Variants in FKBP5 observed in about 807,000 individuals in gnomAD.
FKBP5 encodes FKBP prolyl isomerase 5, also known as peptidyl-prolyl cis-trans isomerase FKBP5.
A neutral mutation model predicts 50.5 loss-of-function variants in FKBP5; 23 were observed. The ratio of observed to expected loss-of-function variants is 0.46; its 90% CI spans 0.33 to 0.65. FKBP5 has a LOEUF of 0.65. Among genes scored for constraint, FKBP5 ranks in the 30% least tolerant of loss-of-function variants. The pLI, the probability that FKBP5 is intolerant of heterozygous loss-of-function variation, is 0.02. For synonymous variants in FKBP5, 176 were observed against 190.6 expected (o/e 0.92, Z 0.63); for missense variants, 411 against 553.1 (o/e 0.74, Z 2.58).
chr6:35,693,169 T>C (rs1026642644), upstream of FKBP5, among the ~76,000 whole-genome samples: 2 of 146,488 alleles, frequency 1.4e-5, no homozygotes, highest in African/African-American at 5.0e-5. Context: ...CTCTCTTTTT[T>C]TTTTTTTTTT....
At chr6:35,620,351 A>G in intron 3 of FKBP5, 77 bp from the exon 4 acceptor site, 2 of 1,518,766 alleles carry the variant, frequency 1.3e-6, no homozygotes, top group Non-Finnish European at 1.8e-6. Context: ...CCAAAGTTCT[A>G]ATTTCCAGTT....
chr6:35,635,641 C>T (rs913132974), intron 3 of FKBP5, among the ~76,000 whole-genome samples: 1 of 151,850 alleles, frequency 6.6e-6, no homozygotes, highest in Non-Finnish European at 1.5e-5. Context: ...TTTAGAATAA[C>T]CCCATGTTAA....
At chr6:35,705,266 T>TAAA (rs1766286697) in intron 2 of FKBP5, among the ~76,000 whole-genome samples, 5 of 14,834 alleles carry the variant, frequency 3.4e-4, no homozygotes, top group Non-Finnish European at 3.0e-4. Context: ...ATATTTTTTT[T>TAAA]TTTTTTTTTT....
rs1431832492 is a variant in FKBP5, at chr6:35,601,320, C to T, written c.509-3916G>A. Reference sequence around the variant, plus strand: ...GTCAGAGTAAAAGGAGGTATCACAGCCTCATGGTGAATACAGCCCATTGAT... The same window carrying T: ...GTCAGAGTAAAAGGAGGTATCACAGTCTCATGGTGAATACAGCCCATTGAT... On this transcript the variant is annotated intron_variant, in intron 5 of 10. Coordinates refer to ENST00000357266, the MANE Select transcript of FKBP5 (RefSeq NM_004117.4). 5.9e-5 allele frequency among the ~76,000 whole-genome samples: 9 copies of T among 152,276 alleles called. No homozygotes were observed. In the East Asian group the frequency reaches 1.5e-3, roughly 26 times the overall value.
chr6:35,607,041 A>T (rs1235679170), intron 5 of FKBP5, among the ~76,000 whole-genome samples: 1 of 152,044 alleles, frequency 6.6e-6, no homozygotes, highest in East Asian at 1.9e-4. Context: ...CCCAGGTTCA[A>T]GCAATTCTGC....
intron 8 of FKBP5, chr6:35,581,879 C>T (rs529213776): frequency 5.8e-5 from 57 of 985,504 alleles, no homozygotes; most frequent in South Asian, 4.7e-4. Flanking sequence ...CCAAGCAGCG[C>T]GTACATCTCA....
intron 1 of FKBP5, among the ~76,000 whole-genome samples, chr6:35,684,989 C>T (rs1231206629): frequency 6.6e-6 from 1 of 151,614 alleles, no homozygotes; most frequent in African/African-American, 2.4e-5. Flanking sequence ...TCTCTTGAGC[C>T]TGGGAAGTCT....
At chr6:35,725,528 C>G (rs1328305087) in intron 1 of FKBP5, among the ~76,000 whole-genome samples, 1 of 152,136 alleles carries the variant, frequency 6.6e-6, no homozygotes, top group East Asian at 1.9e-4. Flanking sequence ...GGGCTTCACC[C>G]TTCTGGAGTC....
intron 2 of FKBP5, among the ~76,000 whole-genome samples, chr6:35,697,475 A>G (rs2151017672): frequency 6.8e-6 from 1 of 146,336 alleles, no homozygotes; most frequent in East Asian, 2.1e-4. Flanking sequence ...TGAACCCAGG[A>G]GGTGGAGGTT....
chr6:35,583,461 A>G, intron 8 of FKBP5: 1 of 985,458 alleles, frequency 1.0e-6, no homozygotes, highest in Non-Finnish European at 1.2e-6. Context: ...AATTTTTTGA[A>G]AGCTCTTGCA....
At chr6:35,612,685 C>T (rs1305925251) in intron 5 of FKBP5, among the ~76,000 whole-genome samples, 7 of 152,232 alleles carry the variant, frequency 4.6e-5, no homozygotes, top group African/African-American at 1.7e-4. Flanking sequence ...CACCCTTCTT[C>T]ACATGGCGGC....
chr6:35,642,698 T>C, intron 2 of FKBP5, 22 bp downstream of exon 2: 1 of 1,581,822 alleles, frequency 6.3e-7, no homozygotes, highest in South Asian at 1.1e-5. Context: ...TCCTTGTATG[T>C]CACTCAGCTT....
intron 3 of FKBP5, among the ~76,000 whole-genome samples, chr6:35,629,931 C>A (rs1271922717): frequency 6.6e-6 from 1 of 152,122 alleles, no homozygotes; most frequent in Non-Finnish European, 1.5e-5. Context: ...CCTTAAAAAT[C>A]TCCTGAATGC....
At chr6:35,591,249 T>A in intron 6 of FKBP5, 29 bp from the exon 7 acceptor site, 1 of 1,477,252 alleles carries the variant, frequency 6.8e-7, no homozygotes, top group Non-Finnish European at 9.4e-7. Context: ...AATAAAACTT[T>A]AAAAGGATTG....
At chr6:35,683,612 T>C (rs1237382081) in intron 1 of FKBP5, among the ~76,000 whole-genome samples, 4 of 150,006 alleles carry the variant, frequency 2.7e-5, no homozygotes, top group African/African-American at 9.8e-5. Flanking sequence ...ACTAAGGGCA[T>C]GCACTGCCAT....
intron 2 of FKBP5, among the ~76,000 whole-genome samples, chr6:35,714,255 C>A (rs56131641): frequency 1.8e-5 from 1 of 56,512 alleles, no homozygotes; most frequent in Non-Finnish European, 3.7e-5. Context: ...AGTTCAAGAC[C>A]AGCCTGGCCA....
intron 1 of FKBP5, among the ~76,000 whole-genome samples, chr6:35,649,247 T>C (rs1290048633): frequency 8.6e-6 from 1 of 115,934 alleles, no homozygotes; most frequent in Non-Finnish European, 1.9e-5. Flanking sequence ...CAAGACTCTG[T>C]CTAAAAAAAA....
intron 1 of FKBP5, among the ~76,000 whole-genome samples, chr6:35,681,096 CCTAA>C (rs1228836443): frequency 6.6e-6 from 1 of 152,168 alleles, no homozygotes; most frequent in Admixed American, 6.5e-5. Context: ...CTGGTTAATT[CCTAA>C]CTGAGGTATT....
intron 1 of FKBP5, among the ~76,000 whole-genome samples, chr6:35,723,484 C>T (rs1766649642): frequency 2.0e-5 from 3 of 151,938 alleles, no homozygotes; most frequent in Non-Finnish European, 4.4e-5. Context: ...AAGATGGTGT[C>T]AGAGGGAAGA....
Sources: allele counts gnomAD v4.1 joint callset (sites outside exome capture counted in the v4.1 genomes callset), GRCh38; gene constraint gnomAD v4.1.1; transcripts MANE v1.5; gene names NCBI Gene and HGNC (gene_info 2026-07-23, HGNC 2026-07-21).